The following HS3ST4 variants were observed in gnomAD, a reference collection of about 807,000 sequenced individuals.
HS3ST4 encodes heparan sulfate glucosamine 3-O-sulfotransferase 4.
In HS3ST4, 17 loss-of-function variants were observed where a neutral mutation model predicts 29.2. That is an observed-to-expected ratio of 0.58 (90% CI 0.40 to 0.87). HS3ST4 has a LOEUF of 0.87. Ranked by LOEUF, HS3ST4 falls within the 40% of genes least tolerant of loss-of-function variation. The probability of loss-of-function intolerance (pLI) is 0.00; values close to 1 mark genes in which losing one functional copy is unlikely to be tolerated. For synonymous variants in HS3ST4, 314 were observed against 285.7 expected (o/e 1.10, Z -1.00); for missense variants, 627 against 634.5 (o/e 0.99, Z 0.13).
At chr16:25,708,498 G>C (rs1395710033) in intron 1 of HS3ST4, among the ~76,000 whole-genome samples, 1 of 151,976 alleles carries the variant, frequency 6.6e-6, no homozygotes, top group Non-Finnish European at 1.5e-5. Flanking sequence ...TTCCTTCTTA[G>C]CATTCTTATG....
intron 1 of HS3ST4, among the ~76,000 whole-genome samples, chr16:25,727,123 T>C (rs1164453446): frequency 6.6e-6 from 1 of 152,208 alleles, no homozygotes; most frequent in Admixed American, 6.5e-5. Context: ...GTACTTAGAT[T>C]TAGAGCAGCT....
At chr16:25,693,242 C>A (rs1966270437) in intron 1 of HS3ST4, 91 bp downstream of exon 1, 2 of 1,369,318 alleles carry the variant, frequency 1.5e-6, no homozygotes, top group African/African-American at 1.5e-5. Context: ...AGCATCCAGG[C>A]ACCGTCCCGA....
intron 1 of HS3ST4, among the ~76,000 whole-genome samples, chr16:25,998,558 T>A (rs62034497): frequency 0.062 from 9,406 of 152,266 alleles, 369 homozygotes; most frequent in Non-Finnish European, 0.092. Flanking sequence ...TTGCAGATTA[T>A]CAGAGTATTT....
At chr16:25,718,674 C>T (rs1329472670) in intron 1 of HS3ST4, among the ~76,000 whole-genome samples, 2 of 152,118 alleles carry the variant, frequency 1.3e-5, no homozygotes, top group East Asian at 1.9e-4. Flanking sequence ...GGTATGATAA[C>T]GAGCCTCCAA....
At chr16:25,906,444 A>G (rs867547856) in intron 1 of HS3ST4, among the ~76,000 whole-genome samples, 3 of 152,196 alleles carry the variant, frequency 2.0e-5, no homozygotes, top group South Asian at 2.1e-4. Flanking sequence ...TTAAATGCTT[A>G]TTACATGCCT....
At position 25,894,470 on chromosome 16, in the gene HS3ST4, G is replaced by T. The variant is rs115288247; in HGVS notation, c.734+201319G>T. On this transcript the variant is annotated intron_variant, in intron 1 of 1. Transcript: ENST00000331351. ...TCTGGGATTTCTGTAATACTGTGGCGTCCTGTGGTGTAGGCCTCTTTTTCT... is the reference window on the plus strand; with the variant it reads ...TCTGGGATTTCTGTAATACTGTGGCTTCCTGTGGTGTAGGCCTCTTTTTCT... 3.3e-5 allele frequency among the ~76,000 whole-genome samples: 5 copies of T among 151,688 alleles called. No homozygotes were observed. The South Asian group carries it at 1.0e-3, about 32-fold the overall frequency.
At chr16:25,932,621 G>T (rs1306107888) in intron 1 of HS3ST4, among the ~76,000 whole-genome samples, 1 of 152,144 alleles carries the variant, frequency 6.6e-6, no homozygotes, top group African/African-American at 2.4e-5. Context: ...AACAAAAACT[G>T]ATGACAATAC....
At chr16:25,852,642 A>G (rs1458649326) in intron 1 of HS3ST4, among the ~76,000 whole-genome samples, 1 of 151,388 alleles carries the variant, frequency 6.6e-6, no homozygotes, top group Non-Finnish European at 1.5e-5. Context: ...TTTCTGTCAT[A>G]TAGGATGGAA....
chr16:25,904,398 C>G (rs1285291810), intron 1 of HS3ST4, among the ~76,000 whole-genome samples: 1 of 152,164 alleles, frequency 6.6e-6, no homozygotes, highest in Non-Finnish European at 1.5e-5. Context: ...ATCTTGGTGT[C>G]AAAGCATTGA....
intron 1 of HS3ST4, among the ~76,000 whole-genome samples, chr16:25,743,313 GTACT>G (rs1264986816): frequency 1.3e-5 from 2 of 152,286 alleles, no homozygotes; most frequent in Middle Eastern, 6.8e-3. Flanking sequence ...GATAATAATA[GTACT>G]TACTTTAGAG....
At chr16:25,956,922 C>T (rs986986549) in intron 1 of HS3ST4, among the ~76,000 whole-genome samples, 8 of 137,236 alleles carry the variant, frequency 5.8e-5, no homozygotes, top group East Asian at 2.2e-4. Context: ...GGTGTGAACC[C>T]GGGAGGTGGA....
intron 1 of HS3ST4, among the ~76,000 whole-genome samples, chr16:25,876,937 G>C (rs1227711020): frequency 6.6e-6 from 1 of 151,858 alleles, no homozygotes; most frequent in African/African-American, 2.4e-5. Context: ...TCCCCTACTA[G>C]GCTTTGAGAC....
intron 1 of HS3ST4, among the ~76,000 whole-genome samples, chr16:25,883,494 T>A (rs1967915634): frequency 6.6e-6 from 1 of 152,060 alleles, no homozygotes; most frequent in Non-Finnish European, 1.5e-5. Flanking sequence ...ACTACATCAG[T>A]TTCTGTTTTG....
chr16:25,791,350 ATGG>A (rs1452791488), intron 1 of HS3ST4, among the ~76,000 whole-genome samples: 2 of 152,004 alleles, frequency 1.3e-5, no homozygotes, highest in Non-Finnish European at 2.9e-5. Context: ...CATTTTCTTC[ATGG>A]TTGTCTTGTC....
chr16:25,787,203 T>G (rs1966858986), intron 1 of HS3ST4, among the ~76,000 whole-genome samples: 1 of 152,224 alleles, frequency 6.6e-6, no homozygotes, highest in Admixed American at 6.5e-5. Context: ...GCCTGATCTC[T>G]GTTTGAAAGA....
intron 1 of HS3ST4, among the ~76,000 whole-genome samples, chr16:25,828,295 T>TCTCC (rs1967251973): frequency 2.9e-5 from 2 of 68,196 alleles, no homozygotes; most frequent in Non-Finnish European, 5.6e-5. Flanking sequence ...TTTCTTTCTT[T>TCTCC]CTTTCCCTCT....
At chr16:25,767,865 C>T (rs2051132979) in intron 1 of HS3ST4, among the ~76,000 whole-genome samples, 1 of 152,196 alleles carries the variant, frequency 6.6e-6, no homozygotes, top group Admixed American at 6.5e-5. Context: ...TGAAAGTGTT[C>T]TCTTTGGTTT....
At chr16:26,020,575 T>C (rs1198365303) in intron 1 of HS3ST4, among the ~76,000 whole-genome samples, 4 of 152,226 alleles carry the variant, frequency 2.6e-5, no homozygotes, top group African/African-American at 9.6e-5. Context: ...TGAAACTGCA[T>C]GTTGAAAGCA....
At chr16:26,083,007 G>A (rs1363902468) in intron 1 of HS3ST4, among the ~76,000 whole-genome samples, 1 of 152,238 alleles carries the variant, frequency 6.6e-6, no homozygotes, top group Non-Finnish European at 1.5e-5. Context: ...GCAGTGCCAA[G>A]CACATAGAAA....
Sources: gnomAD v4.1 joint callset for allele counts (sites outside exome capture counted in the v4.1 genomes callset) on GRCh38, gnomAD v4.1.1 for gene constraint, MANE v1.5 for transcripts, NCBI Gene and HGNC (gene_info 2026-07-23, HGNC 2026-07-21) for gene names.